The following NTRK2 variants were observed in gnomAD, a reference collection of about 807,000 sequenced individuals.
The protein encoded by NTRK2 is BDNF/NT-3 growth factors receptor.
NTRK2 carries 13 observed loss-of-function variants against 94.5 expected under a neutral mutation model. That is an observed-to-expected ratio of 0.14 (90% CI 0.09 to 0.22). The LOEUF (loss-of-function observed/expected upper bound fraction) is 0.22. NTRK2 is among the 10% of genes least tolerant of loss of function. The probability of loss-of-function intolerance (pLI) is 1.00; values close to 1 mark genes in which losing one functional copy is unlikely to be tolerated. For missense variants in NTRK2, 639 were observed against 1,071.2 expected, an observed-to-expected ratio of 0.60 and a Z score of 5.63; for synonymous variants, 372 against 407.4, an observed-to-expected ratio of 0.91 and a Z score of 1.05.
intron 17 of NTRK2, among the ~76,000 whole-genome samples, chr9:84,989,494 C>T (rs1309083105): frequency 6.6e-6 from 1 of 152,128 alleles, no homozygotes. Flanking sequence ...TTGACATTGC[C>T]CCAGTATTGG....
chr9:84,753,561 A>G (rs1212708628), intron 12 of NTRK2, among the ~76,000 whole-genome samples: 1 of 152,186 alleles, frequency 6.6e-6, no homozygotes, highest in East Asian at 1.9e-4. Flanking sequence ...ATGTGACAAG[A>G]TGTTGGTAGA....
At chr9:84,719,392 T>C (rs2061914159) in intron 6 of NTRK2, among the ~76,000 whole-genome samples, 1 of 152,200 alleles carries the variant, frequency 6.6e-6, no homozygotes. Flanking sequence ...TATAATTAAA[T>C]GCTTTTAGAG....
chr9:84,905,903 A>T (rs2077061237), intron 14 of NTRK2, among the ~76,000 whole-genome samples: 1 of 152,238 alleles, frequency 6.6e-6, no homozygotes, highest in Non-Finnish European at 1.5e-5. Context: ...CAAAGGAGAA[A>T]TACAAATTGT....
chr9:84,874,820 T>A, intron 14 of NTRK2: 1 of 1,058,052 alleles, frequency 9.5e-7, no homozygotes, highest in Non-Finnish European at 1.1e-6. Flanking sequence ...AGGCAGTTCC[T>A]GTTATGTGAA....
intron 17 of NTRK2, among the ~76,000 whole-genome samples, chr9:84,973,127 C>A (rs1443928716): frequency 6.6e-6 from 1 of 152,152 alleles, no homozygotes; most frequent in Non-Finnish European, 1.5e-5. Flanking sequence ...GGACCATGGC[C>A]AACAGCTTCT....
intron 2 of NTRK2, among the ~76,000 whole-genome samples, chr9:84,696,439 T>C (rs2060381426): frequency 6.6e-6 from 1 of 152,146 alleles, no homozygotes; most frequent in African/African-American, 2.4e-5. Context: ...GTTATTGTCT[T>C]TCCTTTGTTT....
chr9:84,891,151 C>T lies in NTRK2; in HGVS notation c.1633+23720C>T, dbSNP rs140401596. ...AGTTGGTGATTGCTGGCAGGGAATTCGGCTGGAATTGTCAGCCAAGGGCCC... is the reference window on the plus strand; with the variant it reads ...AGTTGGTGATTGCTGGCAGGGAATTTGGCTGGAATTGTCAGCCAAGGGCCC... On this transcript the variant is annotated intron_variant, in intron 14 of 18. Transcript: ENST00000277120. 7.1e-3 allele frequency among the ~76,000 whole-genome samples: 1,076 copies of T among 152,040 alleles called. 5 individuals are homozygous for T. The highest frequency in any genetic ancestry group is 0.01 in the Non-Finnish European group (707 of 68,010).
At chr9:84,958,746 A>G (rs1824500734) in intron 17 of NTRK2, among the ~76,000 whole-genome samples, 1 of 152,188 alleles carries the variant, frequency 6.6e-6, no homozygotes, top group South Asian at 2.1e-4. Context: ...GAAACAAGGA[A>G]ATGACACTTT....
chr9:84,687,384 T>A (rs1167297442), intron 2 of NTRK2, among the ~76,000 whole-genome samples: 1 of 152,232 alleles, frequency 6.6e-6, no homozygotes, highest in Non-Finnish European at 1.5e-5. Context: ...ATTAGACCTA[T>A]TTTTGTTTGT....
At chr9:84,708,344 C>T (rs2061235781) in intron 5 of NTRK2, among the ~76,000 whole-genome samples, 1 of 152,164 alleles carries the variant, frequency 6.6e-6, no homozygotes, top group Non-Finnish European at 1.5e-5. Flanking sequence ...TCACTTTTGT[C>T]CATCTTAAGG....
intron 9 of NTRK2, among the ~76,000 whole-genome samples, chr9:84,734,110 A>C (rs2063085308): frequency 6.6e-6 from 1 of 152,134 alleles, no homozygotes; most frequent in Non-Finnish European, 1.5e-5. Context: ...TGGAGTGTGA[A>C]GCGTGACTTT....
At chr9:84,686,692 A>T (rs1317082159) in intron 2 of NTRK2, among the ~76,000 whole-genome samples, 1 of 152,228 alleles carries the variant, frequency 6.6e-6, no homozygotes, top group African/African-American at 2.4e-5. Flanking sequence ...ATACTTTTGC[A>T]CTTTTGCAGT....
At chr9:84,963,509 C>G (rs1265951419) in intron 17 of NTRK2, among the ~76,000 whole-genome samples, 1 of 152,152 alleles carries the variant, frequency 6.6e-6, no homozygotes, top group Non-Finnish European at 1.5e-5. Flanking sequence ...TCTTTTTGCT[C>G]TGGCTGCTTT....
chr9:84,942,129 TG>T (rs2078432597), intron 15 of NTRK2, among the ~76,000 whole-genome samples: 1 of 152,162 alleles, frequency 6.6e-6, no homozygotes, highest in Non-Finnish European at 1.5e-5. Flanking sequence ...ACAATCTGAG[TG>T]TTTGTGATCA....
At chr9:84,927,452 T>C (rs2077862310) in intron 14 of NTRK2, among the ~76,000 whole-genome samples, 1 of 152,174 alleles carries the variant, frequency 6.6e-6, no homozygotes, top group Non-Finnish European at 1.5e-5. Flanking sequence ...ACAGGGATTA[T>C]TGTACTCTTC....
chr9:84,774,467 A>C (rs1462439374), intron 12 of NTRK2, among the ~76,000 whole-genome samples: 1 of 152,226 alleles, frequency 6.6e-6, no homozygotes, highest in Non-Finnish European at 1.5e-5. Flanking sequence ...CTGCACATAA[A>C]GAACTGGAGG....
intron 17 of NTRK2, among the ~76,000 whole-genome samples, chr9:84,960,882 G>A (rs1824835574): frequency 6.6e-6 from 1 of 152,114 alleles, no homozygotes; most frequent in African/African-American, 2.4e-5. Context: ...CGCATATGAG[G>A]TGGTCAGTAC....
intron 2 of NTRK2, among the ~76,000 whole-genome samples, chr9:84,695,075 C>A (rs375216284): frequency 0.073 from 9,465 of 129,106 alleles, 436 homozygotes; most frequent in Middle Eastern, 0.14. Flanking sequence ...AAAAAAAAAA[C>A]ACACAACAAA....
chr9:84,926,175 TTTCTTTCTTTC>T (rs2077795498), intron 14 of NTRK2, among the ~76,000 whole-genome samples: 2 of 66,096 alleles, frequency 3.0e-5, no homozygotes, highest in Non-Finnish European at 3.5e-5. Context: ...CCTTCCTTTC[TTTCTTTCTTTC>T]TTTCTTTCTT....
Sources: allele counts gnomAD v4.1 joint callset (sites outside exome capture counted in the v4.1 genomes callset), GRCh38; gene constraint gnomAD v4.1.1; transcripts MANE v1.5; gene names NCBI Gene and HGNC (gene_info 2026-07-23, HGNC 2026-07-21).